Variants in KIF5A observed in about 807,000 individuals in gnomAD.
KIF5A encodes kinesin heavy chain isoform 5A.
In KIF5A, 35 loss-of-function variants were observed where a neutral mutation model predicts 141.3. That is an observed-to-expected ratio of 0.25 (90% CI 0.19 to 0.33). KIF5A has a LOEUF of 0.33. Ranked by LOEUF, KIF5A falls within the 10% of genes least tolerant of loss-of-function variation. The pLI is 1.00. For synonymous variants in KIF5A, 448 were observed against 500.2 expected, an observed-to-expected ratio of 0.90 and a Z score of 1.39; for missense variants, 861 against 1,314.3, an observed-to-expected ratio of 0.66 and a Z score of 5.33.
intron 7 of KIF5A, 27 bp downstream of exon 7, chr12:57,567,240 C>A: frequency 1.9e-6 from 3 of 1,545,552 alleles, no homozygotes; most frequent in South Asian, 2.2e-5. Context: ...GGGGATCTCT[C>A]GAGTCTGAGG....
chr12:57,575,771 A>T lies in KIF5A; in HGVS notation c.2023+14A>T. On this transcript the variant is annotated intron_variant, in intron 17 of 28. Transcript: ENST00000455537. ...TCCAGGCCCAGGGTGAGGCCTTCTT[A>T]TACCTCCATCCCACTGTCCAGGGCA... 6.5e-7 allele frequency: 1 copy of T among 1,545,242 alleles called. No individual in the cohort carries two copies. Among genetic ancestry groups the T allele is most frequent in the Non-Finnish European group, 9.0e-7 (1 of 1,117,100 alleles).
chr12:57,570,764 A>G (rs1268737476), intron 12 of KIF5A, among the ~76,000 whole-genome samples: 1 of 152,076 alleles, frequency 6.6e-6, no homozygotes, highest in Non-Finnish European at 1.5e-5. Flanking sequence ...ATAATTCTTC[A>G]TAAAAGTATT....
intron 8 of KIF5A, 131 bp downstream of exon 8, chr12:57,567,749 C>T (rs1882112732): frequency 2.1e-6 from 2 of 949,924 alleles, no homozygotes; most frequent in East Asian, 5.5e-5. Context: ...CAACCTCCGC[C>T]TCCTGGGTTT....
chr12:57,555,727 G>A (rs1328873590), intron 1 of KIF5A, among the ~76,000 whole-genome samples: 2 of 151,434 alleles, frequency 1.3e-5, no homozygotes, highest in Non-Finnish European at 2.9e-5. Context: ...TGGCCAACAT[G>A]GTGAAACCCT....
intron 9 of KIF5A, 81 bp from the exon 10 acceptor site, chr12:57,569,175 G>C (rs1392336162): frequency 6.3e-7 from 1 of 1,581,632 alleles, no homozygotes; most frequent in African/African-American, 1.3e-5. Flanking sequence ...GTCTGATCCC[G>C]GGGTGGCACC....
chr12:57,579,583 G>A (rs1239597218), intron 23 of KIF5A, among the ~76,000 whole-genome samples: 1 of 151,768 alleles, frequency 6.6e-6, no homozygotes, highest in Admixed American at 6.6e-5. Context: ...GCCTGCAGAG[G>A]GCTTTGCTAC....
chr12:57,572,118 C>A lies in KIF5A; in HGVS notation c.1420C>A (p.Gln474Lys), dbSNP rs1183553852. ...EKVQRELSHL[Q>K]SENDAAKDEV... ...GGTCCAGCGGGAGCTGAGCCACCTG[C>A]AATCAGAGAACGATGCCGCTAAGGA... Residue 474 changes from glutamine (Q) to lysine (K), a missense_variant, in exon 14 of 29, where the codon CAA (glutamine) becomes AAA (lysine). Physicochemically the swap from Gln to Lys is moderately conservative, Grantham distance 53 (BLOSUM62 1). Transcript: ENST00000455537. This position sits in a 1 kb window ranked among gnomAD's most constrained non-coding sequence, Gnocchi z 4.2. The A allele has an allele frequency of 6.2e-7, 1 of 1,614,110 alleles. No individual in the cohort carries two copies. The highest frequency in any genetic ancestry group is 1.7e-5 in the Admixed American group (1 of 60,016).
rs1650391854 is a variant in KIF5A at position 57,567,225 on chromosome 12, TA to T, written c.589+13del. ...TGTGGCTGTCACCAGTGAGTGAGGATACAAGGGGATCTCTCGAGTCTGAGGA... is the reference window on the plus strand; with the variant it reads ...TGTGGCTGTCACCAGTGAGTGAGGATCAAGGGGATCTCTCGAGTCTGAGGA... On this transcript the variant is annotated intron_variant, in intron 7 of 28. Coordinates refer to ENST00000455537, the MANE Select transcript of KIF5A (RefSeq NM_004984.4). 1 of 1,593,232 alleles carries T rather than the reference TA, an allele frequency of 6.3e-7. No homozygotes were observed. The highest frequency in any genetic ancestry group is 1.3e-5 in the African/African-American group (1 of 74,454).
At position 57,573,380 on chromosome 12, in the gene KIF5A, G is replaced by A. The variant is rs555375111; in HGVS notation, c.1716+654G>A. On this transcript the variant is annotated intron_variant, in intron 15 of 28. Coordinates refer to ENST00000455537, the MANE Select transcript of KIF5A (RefSeq NM_004984.4). ...CCCTATCTCTACAAAAAATACAAAC[G>A]ATTAGCTGGGGGTGGTGGCACACAC... Among the ~76,000 whole-genome samples the A allele has an allele frequency of 1.8e-3, 269 of 151,852 alleles. 1 individual carries two copies. Among genetic ancestry groups the A allele is most frequent in the African/African-American group, 6.3e-3 (261 of 41,392 alleles).
intron 1 of KIF5A, among the ~76,000 whole-genome samples, chr12:57,553,228 AG>A (rs1881632180): frequency 1.3e-5 from 2 of 152,112 alleles, no homozygotes; most frequent in African/African-American, 4.8e-5. Flanking sequence ...CAGATGTGGG[AG>A]GGATGACAGT....
At position 57,584,355 on chromosome 12, in the gene KIF5A, C is replaced by G. The variant is rs1462862750; in HGVS notation, c.*174C>G. 6.6e-6 allele frequency: 1 copy of G among 152,622 alleles called. No individual in the cohort carries two copies. The highest frequency in any genetic ancestry group is 1.5e-5 in the Non-Finnish European group (1 of 68,050). The allele number at this position is 152,622 out of a possible 1,614,324, so 9.5% of individuals were successfully genotyped here. ...TACTTACTCTGTATCTCTTTGTACT[C>G]TGTATCTATATATCAAAAGCTGCTG... is the stretch of plus-strand genomic sequence containing the variant. On this transcript the variant is annotated 3_prime_UTR_variant, in exon 29 of 29. Coordinates refer to ENST00000455537, the MANE Select transcript of KIF5A (RefSeq NM_004984.4).
rs373198221 is a variant in KIF5A, at chr12:57,572,039, A to T, written c.1363-22A>T. The T allele has an allele frequency of 4.4e-5, 70 of 1,604,042 alleles. No homozygotes were observed. In the African/African-American group the frequency reaches 8.7e-4, roughly 20 times the overall value. On this transcript the variant is annotated intron_variant, in intron 13 of 28. Transcript: ENST00000455537. The surrounding 1 kb of genome is among the most constrained non-coding windows in gnomAD (Gnocchi z 4.2). ...GGTCACTGGCAGTGATCTTTCCCAC[A>T]TGCCACTCCTCTCCCTTGAAGCTGC...
In KIF5A at chr12:57,576,862, C is replaced by T. The variant is rs765493045; in HGVS notation, c.2300C>T (p.Thr767Ile). 1.2e-5 allele frequency: 20 copies of T among 1,610,026 alleles called. 1 individual carries two copies. The highest frequency in any genetic ancestry group is 4.4e-5 in the South Asian group (4 of 90,950). ...AAGAGCACCAAGCTGCAGGAGCTGACGTGAGTGGCATGGATTTACCTGTAA... is the reference window on the plus strand; with the variant it reads ...AAGAGCACCAAGCTGCAGGAGCTGATGTGAGTGGCATGGATTTACCTGTAA... Reference protein sequence around the residue: ...HEKSTKLQELTFLYERHEQSK... With the variant: ...HEKSTKLQELIFLYERHEQSK... Residue 767 changes from threonine to isoleucine, a missense_variant and splice_region_variant, in exon 20 of 29, where the codon ACA becomes ATA. Transcript: ENST00000455537.
chr12:57,569,908 G>A, intron 11 of KIF5A, 79 bp from the exon 12 acceptor site: 1 of 1,517,730 alleles, frequency 6.6e-7, no homozygotes, highest in Non-Finnish European at 8.9e-7. Context: ...AGTTCAAGGG[G>A]CATGGTGAGT....
At chr12:57,574,259 G>A (rs1882351176) in intron 15 of KIF5A, among the ~76,000 whole-genome samples, 1 of 147,124 alleles carries the variant, frequency 6.8e-6, no homozygotes, top group Non-Finnish European at 1.5e-5. Flanking sequence ...TGTAAGTGGG[G>A]GACTGTCAGA....
chr12:57,561,343 C>A (rs1430301276), intron 1 of KIF5A, among the ~76,000 whole-genome samples: 1 of 152,128 alleles, frequency 6.6e-6, no homozygotes, highest in Non-Finnish European at 1.5e-5. Context: ...CCCAGCCCAG[C>A]AGTTGTTTTG....
In KIF5A at chr12:57,575,656, G is replaced by C; in HGVS notation, c.1922G>C (p.Arg641Pro). The change falls in exon 17 of 29, where the codon CGC becomes CCC. Residue 641 changes from arginine to proline, a missense_variant. Around this residue, in one of 5 missense-constraint regions of KIF5A, gnomAD observed 482 missense variants for 661.3 expected, o/e 0.73. Transcript: ENST00000455537. ...LLISQHEAKI[R>P]SLTEYMQSVE... ...TCCCACCAGCATGAGGCCAAGATCC[G>C]CTCGCTTACGGAATACATGCAGAGC... The C allele has an allele frequency of 6.2e-7, 1 of 1,614,048 alleles. No homozygotes were observed. Among genetic ancestry groups the C allele is most frequent in the Non-Finnish European group, 8.5e-7 (1 of 1,179,964 alleles).
At position 57,572,482 on chromosome 12, in the gene KIF5A, C is replaced by T; in HGVS notation, c.1570-98C>T. 3 of 1,496,806 alleles carry T rather than the reference C, an allele frequency of 2.0e-6. No individual in the cohort carries two copies. The highest frequency in any genetic ancestry group is 2.3e-5 in the East Asian group (1 of 43,384). 92.7% of individuals were successfully genotyped at this position (1,496,806 alleles called of 1,614,324 possible). The stretch of plus-strand genomic sequence containing the variant: ...TGCAGGGCCTGTGTTCTCTTCATAG[C>T]AGCCCTCAGGGTCTTGCATGAAGGG... On this transcript the variant is annotated intron_variant, in intron 14 of 28. Coordinates refer to ENST00000455537, the MANE Select transcript of KIF5A (RefSeq NM_004984.4). The surrounding 1 kb of genome is among the most constrained non-coding windows in gnomAD (Gnocchi z 4.2).
intron 1 of KIF5A, among the ~76,000 whole-genome samples, chr12:57,559,955 G>A (rs181468580): frequency 3.3e-5 from 5 of 152,086 alleles, no homozygotes; most frequent in Non-Finnish European, 7.4e-5. Context: ...GCGGTGGCGC[G>A]ATCTCGGCTC....
Sources: allele counts gnomAD v4.1 joint callset (sites outside exome capture counted in the v4.1 genomes callset), GRCh38; gene constraint gnomAD v4.1.1; regional missense constraint gnomAD v4.1.1; non-coding constraint Gnocchi (gnomAD v3.1); transcripts MANE v1.5; gene names NCBI Gene and HGNC (gene_info 2026-07-23, HGNC 2026-07-21).